Variants in MVB12B observed in about 807,000 individuals in gnomAD.
MVB12B encodes the protein multivesicular body subunit 12B, also known as ESCRT-I complex subunit MVB12B.
Under a neutral mutation model 41.6 loss-of-function variants are expected in MVB12B, and 16 were observed. The observed-to-expected ratio is 0.38, with a 90% confidence interval of 0.26 to 0.58. The LOEUF (loss-of-function observed/expected upper bound fraction) is 0.58. Ranked by LOEUF, MVB12B falls within the 20% of genes least tolerant of loss-of-function variation. The pLI is 0.62. For synonymous variants in MVB12B, 133 were observed against 139.7 expected (o/e 0.95, Z 0.34); for missense variants, 274 against 380.2 (o/e 0.72, Z 2.32).
rs572010328 is a variant in MVB12B at position 126,465,522 on chromosome 9, CT to C, written c.758-15846del. On this transcript the variant is annotated intron_variant, in intron 7 of 9. Transcript: ENST00000361171. ...CTTCATTGCCCAAAAGCTGGGCCCC[CT>C]GATGCCAAGGCCAGTTCTCTTCCCA... 3.2e-4 allele frequency among the ~76,000 whole-genome samples: 49 copies of C among 152,318 alleles called. 1 individual carries two copies. The highest frequency in any genetic ancestry group is 1.0e-3 in the African/African-American group (43 of 41,576).
At position 126,392,611 on chromosome 9, in the gene MVB12B, AG is replaced by A. The variant is rs1278613710; in HGVS notation, c.539+419del. Among the ~76,000 whole-genome samples, 1 of 152,252 alleles carries A rather than the reference AG, an allele frequency of 6.6e-6. No homozygotes were observed. Among genetic ancestry groups the A allele is most frequent in the Non-Finnish European group, 1.5e-5 (1 of 68,044 alleles). ...GCTGTCACAGAGCTGATGTTCTAAA[AG>A]GGACAGACGAGCAATAAACAAGAAA... On this transcript the variant is annotated intron_variant, in intron 5 of 9. Transcript: ENST00000361171. This position sits in a 1 kb window ranked among gnomAD's most constrained non-coding sequence, Gnocchi z 4.8.
intron 2 of MVB12B, among the ~76,000 whole-genome samples, chr9:126,365,367 C>G (rs1830147919): frequency 6.9e-6 from 1 of 144,212 alleles, no homozygotes; most frequent in Admixed American, 7.0e-5. Context: ...GAGTCTCGCT[C>G]TGTTGCCCAG....
In MVB12B at chr9:126,476,232, G is replaced by A. The variant is rs1833416634; in HGVS notation, c.758-5137G>A. On this transcript the variant is annotated intron_variant, in intron 7 of 9. Coordinates refer to ENST00000361171, the MANE Select transcript of MVB12B (RefSeq NM_033446.3). ...GCCTCCTCACTAAGGTGTTACCGCT[G>A]AGCCTGCCTGAGGGCCAGAAGGTGC... is the stretch of plus-strand genomic sequence containing the variant. Among the ~76,000 whole-genome samples, 3 of 152,258 alleles carry A rather than the reference G, an allele frequency of 2.0e-5. 1 individual carries two copies. The South Asian group carries it at 6.2e-4, about 31-fold the overall frequency.
At chr9:126,453,796 A>T (rs1832927559) in intron 7 of MVB12B, among the ~76,000 whole-genome samples, 1 of 152,146 alleles carries the variant, frequency 6.6e-6, no homozygotes, top group Non-Finnish European at 1.5e-5. Flanking sequence ...TGCACACATG[A>T]CACGTGTGCA....
intron 6 of MVB12B, chr9:126,396,002 A>G (rs1256281460): frequency 8.6e-7 from 1 of 1,160,170 alleles, no homozygotes; most frequent in Non-Finnish European, 1.1e-6. Flanking sequence ...CACGTGCTGT[A>G]TAGCCATGGG....
At chr9:126,494,020 C>T (rs1040211557) in intron 9 of MVB12B, among the ~76,000 whole-genome samples, 1 of 152,106 alleles carries the variant, frequency 6.6e-6, no homozygotes, top group Non-Finnish European at 1.5e-5. Context: ...TTATGTCATC[C>T]GTATTTTAAA....
At chr9:126,373,813 C>T (rs986164896) in intron 2 of MVB12B, among the ~76,000 whole-genome samples, 2 of 152,026 alleles carry the variant, frequency 1.3e-5, no homozygotes, top group Non-Finnish European at 2.9e-5. Context: ...CATTATTTTT[C>T]TTATAAAAGC....
chr9:126,496,284 T>TAC (rs1833833032), intron 9 of MVB12B, among the ~76,000 whole-genome samples: 3 of 110,362 alleles, frequency 2.7e-5, no homozygotes, highest in Non-Finnish European at 5.5e-5. Flanking sequence ...CACCCACCCT[T>TAC]CCACCCATCC....
At chr9:126,489,875 C>T (rs910858219) in intron 9 of MVB12B, among the ~76,000 whole-genome samples, 5 of 152,212 alleles carry the variant, frequency 3.3e-5, no homozygotes, top group African/African-American at 9.6e-5. Context: ...GTGGCAGCCT[C>T]GTGGCCACCG....
At chr9:126,401,856 C>G (rs1050995223) in intron 6 of MVB12B, among the ~76,000 whole-genome samples, 2 of 152,346 alleles carry the variant, frequency 1.3e-5, no homozygotes, top group Non-Finnish European at 1.5e-5. Flanking sequence ...AGGTCACTGG[C>G]TGGAGCCTTG....
chr9:126,500,574 T>C (rs1431441864), intron 9 of MVB12B, among the ~76,000 whole-genome samples: 2 of 152,214 alleles, frequency 1.3e-5, no homozygotes, highest in African/African-American at 4.8e-5. Context: ...TTCTCAGGCC[T>C]GGCCCCAGAC....
chr9:126,496,320 CCCTTCCACCCAT>C (rs1833834246), intron 9 of MVB12B, among the ~76,000 whole-genome samples: 1 of 143,848 alleles, frequency 7.0e-6, no homozygotes, highest in Admixed American at 7.0e-5. Flanking sequence ...ACCCCACCCA[CCCTTCCACCCAT>C]CCACATATTA....
intron 6 of MVB12B, chr9:126,397,232 G>T (rs1831142315): frequency 1.0e-6 from 1 of 985,490 alleles, no homozygotes; most frequent in Non-Finnish European, 1.2e-6. Flanking sequence ...ACCACCTCAG[G>T]CAGGTTTTGA....
chr9:126,339,779 T>G (rs1449482680), intron 1 of MVB12B, among the ~76,000 whole-genome samples: 2 of 152,190 alleles, frequency 1.3e-5, no homozygotes, highest in Non-Finnish European at 2.9e-5. Flanking sequence ...TTTATGTGCT[T>G]TTTTTGAGCG....
At chr9:126,419,376 G>A (rs1008472964) in intron 6 of MVB12B, among the ~76,000 whole-genome samples, 2 of 152,172 alleles carry the variant, frequency 1.3e-5, no homozygotes, top group African/African-American at 4.8e-5. Context: ...CCCACCATGG[G>A]TTTAATGCTC....
At chr9:126,446,854 C>T (rs1832780114) in intron 7 of MVB12B, among the ~76,000 whole-genome samples, 1 of 145,432 alleles carries the variant, frequency 6.9e-6, no homozygotes, top group Non-Finnish European at 1.5e-5. Context: ...CAAATAACTG[C>T]TTTTTAAATT....
rs1226063916 is a variant in MVB12B, at chr9:126,389,196, G to T, written c.409+2538G>T. On this transcript the variant is annotated intron_variant, in intron 4 of 9. Coordinates refer to ENST00000361171, the MANE Select transcript of MVB12B (RefSeq NM_033446.3). The surrounding 1 kb of genome is among the most constrained non-coding windows in gnomAD (Gnocchi z 4.4). Reference sequence around the variant, plus strand: ...TGCCAGGTGCCTTGTCACACAGGAGGGTGGGCAGCAGGGGGTCTCTTCATT... The same window carrying T: ...TGCCAGGTGCCTTGTCACACAGGAGTGTGGGCAGCAGGGGGTCTCTTCATT... Among the ~76,000 whole-genome samples the T allele has an allele frequency of 1.3e-5, 2 of 152,160 alleles. No homozygotes were observed. Among genetic ancestry groups the T allele is most frequent in the African/African-American group, 4.8e-5 (2 of 41,438 alleles).
At chr9:126,488,573 C>G (rs1432617217) in intron 9 of MVB12B, among the ~76,000 whole-genome samples, 1 of 152,126 alleles carries the variant, frequency 6.6e-6, no homozygotes, top group African/African-American at 2.4e-5. Flanking sequence ...GGGGGGTCCA[C>G]CCATTTACGG....
chr9:126,426,591 A>AT (rs1286552057), intron 7 of MVB12B, among the ~76,000 whole-genome samples: 2 of 148,366 alleles, frequency 1.3e-5, no homozygotes, highest in African/African-American at 5.0e-5. Context: ...TTTTTCTTGG[A>AT]TTTTTTAATA....
Sources: allele counts gnomAD v4.1 joint callset (sites outside exome capture counted in the v4.1 genomes callset), GRCh38; gene constraint gnomAD v4.1.1; non-coding constraint Gnocchi (gnomAD v3.1); transcripts MANE v1.5; gene names NCBI Gene and HGNC (gene_info 2026-07-23, HGNC 2026-07-21).